The following CYP7B1 variants were observed in gnomAD, a reference collection of about 807,000 sequenced individuals.
CYP7B1 encodes cytochrome P450 family 7 subfamily B member 1, also known as cytochrome P450 7B1.
In CYP7B1, 29 loss-of-function variants were observed where a neutral mutation model predicts 42.7. The ratio of observed to expected loss-of-function variants is 0.68; its 90% confidence interval spans 0.51 to 0.93. The LOEUF is 0.93. Ranked by LOEUF, CYP7B1 falls within the 40% of genes least tolerant of loss-of-function variation. The pLI, the probability that CYP7B1 is intolerant of heterozygous loss-of-function variation, is 0.00. For synonymous variants in CYP7B1, 235 were observed against 218.2 expected (o/e 1.08, Z -0.68); for missense variants, 655 against 600.5 (o/e 1.09, Z -0.95).
At chr8:64,691,805 G>T (rs1359029976) in intron 1 of CYP7B1, among the ~76,000 whole-genome samples, 1 of 152,092 alleles carries the variant, frequency 6.6e-6, no homozygotes, top group Non-Finnish European at 1.5e-5. Context: ...GCCACAGTAG[G>T]GGGCAGAGCC....
At chr8:64,758,782 T>A (rs1807844987) in intron 1 of CYP7B1, among the ~76,000 whole-genome samples, 2 of 152,176 alleles carry the variant, frequency 1.3e-5, no homozygotes, top group Admixed American at 1.3e-4. Context: ...TCAGATGGAA[T>A]AATGCATGAA....
At chr8:64,694,993 C>CA (rs1256505573) in intron 1 of CYP7B1, among the ~76,000 whole-genome samples, 6 of 152,124 alleles carry the variant, frequency 3.9e-5, no homozygotes, top group African/African-American at 1.4e-4. Context: ...AATCTGACGT[C>CA]AATAATGCAT....
At chr8:64,771,044 C>T (rs1804213846) in intron 1 of CYP7B1, among the ~76,000 whole-genome samples, 1 of 63,212 alleles carries the variant, frequency 1.6e-5, no homozygotes, top group African/African-American at 6.1e-5. Flanking sequence ...GGGATATCAG[C>T]ATCTTTTTTT....
rs1418797420 is a variant in CYP7B1, at chr8:64,622,051, C to T, written c.259+2352G>A. 2.6e-5 allele frequency among the ~76,000 whole-genome samples: 4 copies of T among 152,122 alleles called. No individual in the cohort carries two copies. The South Asian group carries it at 6.2e-4, about 24-fold the overall frequency. On this transcript the variant is annotated intron_variant, in intron 2 of 5. Coordinates refer to ENST00000310193, the MANE Select transcript of CYP7B1 (RefSeq NM_004820.5). ...TGTGATGAAACTGATACTGTCTGTCCATGGGAGAACTCAATCATGCTGATA... is the reference window on the plus strand; with the variant it reads ...TGTGATGAAACTGATACTGTCTGTCTATGGGAGAACTCAATCATGCTGATA...
chr8:64,618,181 C>T (rs372813948), intron 2 of CYP7B1, among the ~76,000 whole-genome samples: 1 of 151,154 alleles, frequency 6.6e-6, no homozygotes, highest in Non-Finnish European at 1.5e-5. Context: ...CCAGCATCTG[C>T]CTGTCAAATA....
intron 1 of CYP7B1, among the ~76,000 whole-genome samples, chr8:64,793,909 A>C (rs1429038955): frequency 1.3e-5 from 2 of 152,080 alleles, no homozygotes; most frequent in Non-Finnish European, 2.9e-5. Context: ...GATTCCAGAA[A>C]TGGCAAAGTT....
At chr8:64,640,078 AT>A (rs964412251) in intron 1 of CYP7B1, among the ~76,000 whole-genome samples, 11 of 152,114 alleles carry the variant, frequency 7.2e-5, no homozygotes, top group African/African-American at 2.7e-4. Context: ...TTTATATGAA[AT>A]TTTTTGAAAA....
chr8:64,778,925 C>T (rs183790869), intron 1 of CYP7B1, among the ~76,000 whole-genome samples: 12 of 152,188 alleles, frequency 7.9e-5, no homozygotes, highest in African/African-American at 2.9e-4. Flanking sequence ...AAGGCATTTG[C>T]CAATGTTGAC....
At chr8:64,744,617 T>C (rs1807616751) in intron 1 of CYP7B1, among the ~76,000 whole-genome samples, 1 of 152,206 alleles carries the variant, frequency 6.6e-6, no homozygotes, top group Middle Eastern at 3.2e-3. Context: ...CCTGGCCCCT[T>C]ACATTTGACA....
intron 1 of CYP7B1, among the ~76,000 whole-genome samples, chr8:64,696,431 A>C (rs180788640): frequency 4.5e-4 from 68 of 152,346 alleles, no homozygotes; most frequent in African/African-American, 1.5e-3. Context: ...GCAAAGCAAA[A>C]AATCAGATAT....
At chr8:64,610,570 T>C (rs977916216) in intron 4 of CYP7B1, among the ~76,000 whole-genome samples, 1 of 152,178 alleles carries the variant, frequency 6.6e-6, no homozygotes, top group Non-Finnish European at 1.5e-5. Context: ...TAAGGGAAAC[T>C]GTGTGGGGGA....
intron 1 of CYP7B1, among the ~76,000 whole-genome samples, chr8:64,651,533 C>A (rs4527914): frequency 0.066 from 9,994 of 152,292 alleles, 399 homozygotes; most frequent in South Asian, 0.16. Flanking sequence ...TTGGCTCCTG[C>A]TATGAGCTGA....
chr8:64,644,353 A>G (rs1286600405), intron 1 of CYP7B1, among the ~76,000 whole-genome samples: 1 of 152,118 alleles, frequency 6.6e-6, no homozygotes, highest in Non-Finnish European at 1.5e-5. Context: ...TATGAATCAC[A>G]AATGCTCTTA....
chr8:64,628,788 A>T (rs930710268), intron 1 of CYP7B1, among the ~76,000 whole-genome samples: 1 of 152,226 alleles, frequency 6.6e-6, no homozygotes, highest in African/African-American at 2.4e-5. Flanking sequence ...AAGAAGAGGT[A>T]CTCTGAAATT....
At chr8:64,667,256 T>C (rs1476919214) in intron 1 of CYP7B1, among the ~76,000 whole-genome samples, 2 of 152,216 alleles carry the variant, frequency 1.3e-5, no homozygotes, top group Non-Finnish European at 2.9e-5. Context: ...AAAGGGCTTT[T>C]GAAGTAAGTT....
chr8:64,722,370 T>A (rs1240222878), intron 1 of CYP7B1, among the ~76,000 whole-genome samples: 3 of 152,270 alleles, frequency 2.0e-5, no homozygotes, highest in African/African-American at 7.2e-5. Context: ...ATATTAGCCA[T>A]AAAAATCATG....
intron 1 of CYP7B1, among the ~76,000 whole-genome samples, chr8:64,768,747 A>T (rs1361528047): frequency 6.6e-6 from 1 of 152,228 alleles, no homozygotes; most frequent in Admixed American, 6.5e-5. Context: ...TATGTGGCTA[A>T]GCTTTAATTC....
intron 1 of CYP7B1, among the ~76,000 whole-genome samples, chr8:64,675,490 TTAAG>T (rs1283860129): frequency 4.0e-5 from 6 of 151,116 alleles, no homozygotes; most frequent in East Asian, 1.9e-4. Flanking sequence ...ATATTACTTA[TTAAG>T]TATTTTGCTA....
chr8:64,709,230 C>A (rs1359510679), intron 1 of CYP7B1, among the ~76,000 whole-genome samples: 2 of 152,116 alleles, frequency 1.3e-5, no homozygotes, highest in Non-Finnish European at 2.9e-5. Flanking sequence ...TATAATCAAG[C>A]CTGTTTAGCT....
Sources: allele counts gnomAD v4.1 joint callset (sites outside exome capture counted in the v4.1 genomes callset), GRCh38; gene constraint gnomAD v4.1.1; transcripts MANE v1.5; gene names NCBI Gene and HGNC (gene_info 2026-07-23, HGNC 2026-07-21).